Variants in ZNF519 observed in about 807,000 individuals in gnomAD.
ZNF519 encodes zinc finger protein 519.
Under a neutral mutation model 7.4 loss-of-function variants are expected in ZNF519, and 7 were observed. The observed-to-expected ratio is 0.94, with a 90% CI of 0.54 to 1.77. The LOEUF is 1.77. Ranked by LOEUF, ZNF519 falls within the 40% of genes most tolerant of loss-of-function variation. ZNF519 has a pLI of 0.00. For missense variants in ZNF519, 586 were observed against 623.1 expected (o/e 0.94, Z 0.63); for synonymous variants, 179 against 203.3 (o/e 0.88, Z 1.02).
intron 2 of ZNF519, among the ~76,000 whole-genome samples, chr18:14,087,957 G>A (rs2041611): frequency 0.77 from 117,115 of 152,056 alleles, 45,268 homozygotes; most frequent in East Asian, 0.96. Context: ...GCAAAATTCT[G>A]TCTGGAAAAC....
exon 5 of ZNF519, chr18:14,076,796 A>T (rs1481026029): frequency 1.3e-5 from 2 of 152,164 alleles, no homozygotes; most frequent in Non-Finnish European, 2.9e-5. Flanking sequence ...AAATACAAAA[A>T]TCTACAGAAA....
At position 14,105,683 on chromosome 18, in the gene ZNF519, T is replaced by C. The variant is rs1471213046; in HGVS notation, c.857A>G (p.His286Arg). The change falls in exon 3 of 3, where the codon CAT becomes CGT. Residue 286 changes from histidine to arginine, a missense_variant. His to Arg is a conservative substitution (Grantham distance 29). Coordinates refer to ENST00000590202, the MANE Select transcript of ZNF519 (RefSeq NM_145287.4). ...ACATTTGTAAGGTTTCTCTCCAGTA[T>C]GAATTTTCTGATGTCCAAGATGTAA... is the stretch of plus-strand genomic sequence containing the variant. ...RGLHLGHQKI[H>R]TGEKPYKCKK... 6.2e-7 allele frequency: 1 copy of C among 1,613,548 alleles called. No homozygotes were observed. Among genetic ancestry groups the C allele is most frequent in the Non-Finnish European group, 8.5e-7 (1 of 1,179,956 alleles).
intron 1 of ZNF519, among the ~76,000 whole-genome samples, chr18:14,127,873 T>C (rs2046308618): frequency 6.6e-6 from 1 of 151,762 alleles, no homozygotes; most frequent in Non-Finnish European, 1.5e-5. Flanking sequence ...GGGTTGTGAT[T>C]GGAATCCTGA....
chr18:14,104,687 G>A lies in ZNF519; in HGVS notation c.*230C>T. 2.5e-6 allele frequency: 1 copy of A among 395,584 alleles called. No individual in the cohort carries two copies. Among genetic ancestry groups the A allele is most frequent in the Non-Finnish European group, 4.4e-6 (1 of 225,344 alleles). 24.5% of individuals were successfully genotyped at this position (395,584 alleles called of 1,614,324 possible). On this transcript the variant is annotated 3_prime_UTR_variant, in exon 3 of 3. Transcript: ENST00000590202. Reference sequence around the variant, plus strand: ...AAACATACAATTTAATTATCTAATTGAGTTTGAATTATTTGTTATAATAAA... The same window carrying A: ...AAACATACAATTTAATTATCTAATTAAGTTTGAATTATTTGTTATAATAAA...
intron 2 of ZNF519, among the ~76,000 whole-genome samples, chr18:14,112,089 C>A (rs543426156): frequency 6.6e-6 from 1 of 151,982 alleles, no homozygotes; most frequent in South Asian, 2.1e-4. Context: ...AAAATACTGG[C>A]AAGTAAAATT....
At position 14,094,270 on chromosome 18, in the gene ZNF519, TA is replaced by T. The variant is rs955683772; in HGVS notation, c.131-9195del. Among the ~76,000 whole-genome samples, 7 of 152,240 alleles carry T rather than the reference TA, an allele frequency of 4.6e-5. 1 individual carries two copies. The highest frequency in any genetic ancestry group is 1.7e-4 in the African/African-American group (7 of 41,456). On this transcript the variant is annotated intron_variant and NMD_transcript_variant, in intron 2 of 4. Transcript: ENST00000587419. The stretch of plus-strand genomic sequence containing the variant: ...CAATAGTGTTGCCCACACTAACCTC[TA>T]AAAACATTATGTCTCTTTCTAAATG...
chr18:14,130,094 CTCT>C (rs1159100940), intron 1 of ZNF519, among the ~76,000 whole-genome samples: 1 of 151,956 alleles, frequency 6.6e-6, no homozygotes, highest in Non-Finnish European at 1.5e-5. Flanking sequence ...ATAATACTCT[CTCT>C]TCTTTTTTTC....
intron 2 of ZNF519, among the ~76,000 whole-genome samples, chr18:14,088,003 C>T (rs747752385): frequency 1.3e-5 from 2 of 152,080 alleles, no homozygotes; most frequent in Non-Finnish European, 2.9e-5. Flanking sequence ...CTGGCACACT[C>T]AGAGAAAGCA....
intron 3 of ZNF519, among the ~76,000 whole-genome samples, chr18:14,080,752 A>C (rs906959509): frequency 3.9e-5 from 6 of 152,230 alleles, no homozygotes; most frequent in African/African-American, 1.4e-4. Flanking sequence ...AGCTTTATTC[A>C]TAACTGCCAA....
At chr18:14,127,963 A>G (rs1222063736) in intron 1 of ZNF519, among the ~76,000 whole-genome samples, 1 of 151,678 alleles carries the variant, frequency 6.6e-6, no homozygotes, top group Non-Finnish European at 1.5e-5. Flanking sequence ...TGTGGAAAAC[A>G]TAACTGAAAG....
At chr18:14,117,550 A>C (rs959178952) in intron 2 of ZNF519, among the ~76,000 whole-genome samples, 2 of 152,204 alleles carry the variant, frequency 1.3e-5, no homozygotes, top group African/African-American at 4.8e-5. Flanking sequence ...ATCCATGTTC[A>C]TTGCAGCAAT....
chr18:14,086,443 A>T (rs755105011), intron 2 of ZNF519, among the ~76,000 whole-genome samples: 1 of 152,220 alleles, frequency 6.6e-6, no homozygotes, highest in Admixed American at 6.5e-5. Context: ...GTAGCATCAT[A>T]GCAGCTGTGG....
In ZNF519 at chr18:14,101,452, C is replaced by T. The variant is rs950874422; in HGVS notation, c.*3465G>A. ...TAAATAATTTTCCTAGATATTCTTA[C>T]AAATATGTGAAAGCCGATTGTACAC... On this transcript the variant is annotated 3_prime_UTR_variant, in exon 3 of 3. Coordinates refer to ENST00000590202, the MANE Select transcript of ZNF519 (RefSeq NM_145287.4). 5 of 388,458 alleles carry T rather than the reference C, an allele frequency of 1.3e-5. No homozygotes were observed. The highest frequency in any genetic ancestry group is 2.1e-5 in the African/African-American group (1 of 48,380). The allele number at this position is 388,458 out of a possible 1,614,324, so 24.1% of individuals were successfully genotyped here. A position where few individuals can be genotyped will look rare whatever the true frequency, so the allele number is the denominator to read the frequency against.
intron 1 of ZNF519, among the ~76,000 whole-genome samples, chr18:14,130,520 C>T (rs1384996445): frequency 6.6e-6 from 1 of 152,074 alleles, no homozygotes; most frequent in Admixed American, 6.5e-5. Flanking sequence ...AGTGGCAGTG[C>T]TTTCTGGAAC....
At chr18:14,130,094 C>T (rs533575687) in intron 1 of ZNF519, among the ~76,000 whole-genome samples, 2 of 152,074 alleles carry the variant, frequency 1.3e-5, no homozygotes, top group South Asian at 4.2e-4. Context: ...ATAATACTCT[C>T]TCTTCTTTTT....
chr18:14,087,690 G>A (rs929551654), intron 2 of ZNF519, among the ~76,000 whole-genome samples: 11 of 152,166 alleles, frequency 7.2e-5, no homozygotes, highest in South Asian at 6.2e-4. Flanking sequence ...AAATGTGTGC[G>A]TCCTTGTGTT....
At chr18:14,091,351 T>C (rs2046113596) in intron 2 of ZNF519, among the ~76,000 whole-genome samples, 1 of 152,138 alleles carries the variant, frequency 6.6e-6, no homozygotes, top group Admixed American at 6.5e-5. Context: ...CACTTCTCAG[T>C]GGAAAGCTGA....
chr18:14,117,997 GA>G (rs996381367), intron 2 of ZNF519, among the ~76,000 whole-genome samples: 1 of 152,046 alleles, frequency 6.6e-6, no homozygotes, highest in Admixed American at 6.5e-5. Context: ...GACAAAAAGT[GA>G]AAAAACGCAA....
intron 2 of ZNF519, among the ~76,000 whole-genome samples, chr18:14,107,555 A>G (rs2046199522): frequency 6.6e-6 from 1 of 152,160 alleles, no homozygotes; most frequent in African/African-American, 2.4e-5. Flanking sequence ...AGGAAAAACT[A>G]TAGAGGATTT....
Sources: gnomAD v4.1 joint callset for allele counts (sites outside exome capture counted in the v4.1 genomes callset) on GRCh38, gnomAD v4.1.1 for gene constraint, MANE v1.5 for transcripts, NCBI Gene and HGNC (gene_info 2026-07-23, HGNC 2026-07-21) for gene names.